GPM6A: variants seen among roughly 807,000 people sequenced by gnomAD.
GPM6A encodes glycoprotein M6A, also known as neuronal membrane glycoprotein M6-a.
In GPM6A, 7 loss-of-function variants were observed where a neutral mutation model predicts 32.1. The ratio of observed to expected loss-of-function variants is 0.22; its 90% CI spans 0.12 to 0.41. The LOEUF (loss-of-function observed/expected upper bound fraction) is 0.41. Ranked by LOEUF, GPM6A falls within the 10% of genes least tolerant of loss-of-function variation. The probability of loss-of-function intolerance (pLI) is 1.00; values close to 1 mark genes in which losing one functional copy is unlikely to be tolerated. For missense variants in GPM6A, 235 were observed against 347.2 expected, an observed-to-expected ratio of 0.68 and a Z score of 2.57; for synonymous variants, 130 against 123.4, an observed-to-expected ratio of 1.05 and a Z score of -0.35.
chr4:175,683,132 T>C (rs530149274), intron 2 of GPM6A, among the ~76,000 whole-genome samples: 1 of 152,324 alleles, frequency 6.6e-6, no homozygotes, highest in Non-Finnish European at 1.5e-5. Flanking sequence ...TGAGGGCCCA[T>C]CCCTTCCATC....
At chr4:175,773,245 G>A (rs1157584798) in intron 1 of GPM6A, among the ~76,000 whole-genome samples, 3 of 152,164 alleles carry the variant, frequency 2.0e-5, no homozygotes, top group African/African-American at 7.2e-5. Context: ...ACATTGACCT[G>A]TCATGGAGTA....
chr4:175,847,775 A>T lies in GPM6A; in HGVS notation c.-22-35526T>A, dbSNP rs559344397. Among the ~76,000 whole-genome samples, 289 of 152,244 alleles carry T rather than the reference A, an allele frequency of 1.9e-3. 1 individual carries two copies. The highest frequency in any genetic ancestry group is 6.7e-3 in the African/African-American group (279 of 41,556). ...TCCATGAAATTGTGAAGAAGGAAAA[A>T]AATTTATGCTAGTTTTGCTTATCTC... is the stretch of plus-strand genomic sequence containing the variant. On this transcript the variant is annotated intron_variant, in intron 1 of 7. Transcript: ENST00000280187.
intron 2 of GPM6A, among the ~76,000 whole-genome samples, chr4:175,682,252 T>A (rs933486647): frequency 3.3e-5 from 5 of 152,182 alleles, no homozygotes; most frequent in African/African-American, 1.2e-4. Flanking sequence ...AGCTGCTAAG[T>A]ATTTGCATGG....
intron 1 of GPM6A, among the ~76,000 whole-genome samples, chr4:175,919,888 T>A (rs1738610829): frequency 6.6e-6 from 1 of 152,198 alleles, no homozygotes; most frequent in African/African-American, 2.4e-5. Flanking sequence ...TTTCCTCATG[T>A]GTTTCAGATT....
chr4:175,936,797 T>C (rs955015055), intron 1 of GPM6A, among the ~76,000 whole-genome samples: 96 of 151,884 alleles, frequency 6.3e-4, no homozygotes, highest in African/African-American at 2.2e-3. Context: ...TAAATTGTAG[T>C]GGGGGGTTCA....
chr4:175,651,828 A>T lies in GPM6A; in HGVS notation c.541+6T>A, dbSNP rs1741824721. 1 of 1,610,204 alleles carries T rather than the reference A, an allele frequency of 6.2e-7. No homozygotes were observed. Among genetic ancestry groups the T allele is most frequent in the Non-Finnish European group, 8.5e-7 (1 of 1,177,424 alleles). Reference sequence around the variant, plus strand: ...TTTACAGTTTAGAGATCCAATATCCACTTACCAAACTGACGAAGGTCCAAG... The same window carrying T: ...TTTACAGTTTAGAGATCCAATATCCTCTTACCAAACTGACGAAGGTCCAAG... On this transcript the variant is annotated splice_donor_region_variant and intron_variant, in intron 4 of 6. Coordinates refer to ENST00000393658, the MANE Select transcript of GPM6A (RefSeq NM_201591.3).
chr4:175,797,670 C>A (rs1223672257), intron 1 of GPM6A, among the ~76,000 whole-genome samples: 22 of 152,142 alleles, frequency 1.4e-4, no homozygotes, highest in Admixed American at 1.4e-3. Flanking sequence ...TCCTCCCAAT[C>A]ATTTTACAAT....
chr4:175,944,934 TTTTTTTGTTTTTTG>T (rs1216069573), intron 1 of GPM6A, among the ~76,000 whole-genome samples: 3 of 152,200 alleles, frequency 2.0e-5, no homozygotes, highest in Admixed American at 2.0e-4. Flanking sequence ...TTCATGTACA[TTTTTTTGTTTTTTG>T]TTTTTTGTTT....
At chr4:175,665,343 G>C (rs1742686624) in intron 3 of GPM6A, among the ~76,000 whole-genome samples, 4 of 151,944 alleles carry the variant, frequency 2.6e-5, no homozygotes, top group Admixed American at 2.6e-4. Flanking sequence ...TAGGGATTCT[G>C]TTTTGTTTCT....
chr4:175,719,041 C>T (rs1745981944), intron 1 of GPM6A, among the ~76,000 whole-genome samples: 1 of 152,094 alleles, frequency 6.6e-6, no homozygotes. Context: ...TTTGCAGATA[C>T]AACCATCTTA....
intron 1 of GPM6A, among the ~76,000 whole-genome samples, chr4:175,819,421 G>A (rs1481079009): frequency 6.6e-6 from 1 of 152,176 alleles, no homozygotes. Flanking sequence ...AGCAAAGATG[G>A]AAGAGAGAGA....
At chr4:175,653,481 C>A (rs1741917135) in intron 3 of GPM6A, among the ~76,000 whole-genome samples, 1 of 152,066 alleles carries the variant, frequency 6.6e-6, no homozygotes. Context: ...TAAGATTTGG[C>A]AGACATATTT....
intron 2 of GPM6A, among the ~76,000 whole-genome samples, chr4:175,694,116 G>C (rs1317454848): frequency 6.6e-6 from 1 of 152,166 alleles, no homozygotes; most frequent in Non-Finnish European, 1.5e-5. Context: ...TGTACAGCCT[G>C]CAGAACTGTG....
At chr4:175,862,093 T>A (rs1469710240) in intron 1 of GPM6A, among the ~76,000 whole-genome samples, 1 of 152,232 alleles carries the variant, frequency 6.6e-6, no homozygotes, top group Non-Finnish European at 1.5e-5. Context: ...GTTTTGTATT[T>A]ATGTCTAATT....
intron 2 of GPM6A, among the ~76,000 whole-genome samples, chr4:175,682,131 CAT>C (rs144917857): frequency 0.07 from 10,619 of 152,142 alleles, 835 homozygotes; most frequent in African/African-American, 0.2. Context: ...AAAGGTCACA[CAT>C]GTTATGCCTT....
chr4:175,759,523 G>T (rs900680557), intron 1 of GPM6A, among the ~76,000 whole-genome samples: 1 of 151,964 alleles, frequency 6.6e-6, no homozygotes, highest in Non-Finnish European at 1.5e-5. Flanking sequence ...ACCTATGCTG[G>T]CAATCAACCT....
Position 175,634,846 on chromosome 4 carries a change from G to T in GPM6A, c.*59C>A. On this transcript the variant is annotated 3_prime_UTR_variant, in exon 7 of 7. Transcript: ENST00000393658. ...TTTGTTTTTTAAAGGTTGGATGGTT[G>T]GATGGCCCTTAGTTAAACACCAATG... 7 of 1,427,430 alleles carry T rather than the reference G, an allele frequency of 4.9e-6. No homozygotes were observed. The East Asian group carries it at 6.9e-5, about 14-fold the overall frequency. 88.4% of individuals were successfully genotyped at this position (1,427,430 alleles called of 1,614,324 possible). A position where few individuals can be genotyped will look rare whatever the true frequency, so the allele number is the denominator to read the frequency against.
At chr4:175,702,899 T>C (rs577006989) in intron 1 of GPM6A, among the ~76,000 whole-genome samples, 3 of 152,318 alleles carry the variant, frequency 2.0e-5, no homozygotes, top group South Asian at 2.1e-4. Context: ...TGACTCATAA[T>C]GAAAATCTAC....
chr4:175,983,961 G>T (rs1317529585), intron 1 of GPM6A, among the ~76,000 whole-genome samples: 1 of 151,556 alleles, frequency 6.6e-6, no homozygotes, highest in African/African-American at 2.4e-5. Flanking sequence ...GCATATAGGA[G>T]GACTCCAGTT....
Sources: allele counts gnomAD v4.1 joint callset (sites outside exome capture counted in the v4.1 genomes callset), GRCh38; gene constraint gnomAD v4.1.1; transcripts MANE v1.5; gene names NCBI Gene and HGNC (gene_info 2026-07-23, HGNC 2026-07-21).